The following MYO6 variants were observed in gnomAD, a reference collection of about 807,000 sequenced individuals.
MYO6 encodes the protein myosin VI, also known as unconventional myosin-VI.
A neutral mutation model predicts 178.7 loss-of-function variants in MYO6; 74 were observed. The ratio of observed to expected loss-of-function variants is 0.41; its 90% CI spans 0.34 to 0.50. MYO6 has a LOEUF of 0.50. Ranked by LOEUF, MYO6 falls within the 20% of genes least tolerant of loss-of-function variation. The pLI is 0.09. For missense variants in MYO6, 1,330 were observed against 1,547.4 expected (o/e 0.86, Z 2.36); for synonymous variants, 477 against 504.6 (o/e 0.95, Z 0.73).
chr6:75,813,491 A>G (rs1262646487), intron 1 of MYO6, among the ~76,000 whole-genome samples: 1 of 152,180 alleles, frequency 6.6e-6, no homozygotes, highest in African/African-American at 2.4e-5. Context: ...GCCGGGGATC[A>G]GGGACCCCAG....
chr6:75,858,942 C>T lies in MYO6; in HGVS notation c.1422C>T (p.Asn474=). The part of the protein sequence containing the change: ...EHNSFEQFCI[N]YCNEKLQQFF... The stretch of plus-strand genomic sequence containing the variant: ...ACAGTTTTGAACAATTTTGCATCAA[C>T]TATTGCAATGAAAAACTTCAACAAT... Residue 474 remains asparagine (N), a synonymous_variant, in exon 14 of 35, where the codon AAC becomes AAT. Transcript: ENST00000369977. 1.2e-6 allele frequency: 2 copies of T among 1,611,146 alleles called. No homozygotes were observed. The highest frequency in any genetic ancestry group is 1.7e-6 in the Non-Finnish European group (2 of 1,177,976).
chr6:75,754,519 CA>C (rs58162315), intron 1 of MYO6, among the ~76,000 whole-genome samples: 136 of 44,160 alleles, frequency 3.1e-3, no homozygotes, highest in African/African-American at 0.015. Context: ...GACTCCGTCT[CA>C]AAAAAAAAAA....
chr6:75,878,030 C>G (rs555465468), intron 20 of MYO6, among the ~76,000 whole-genome samples: 2 of 152,282 alleles, frequency 1.3e-5, no homozygotes, highest in East Asian at 3.9e-4. Context: ...TTTCTCCAAG[C>G]AAAGCCTAGA....
At chr6:75,757,005 GTGTGTATATATGTATACAC>G (rs1777457956) in intron 1 of MYO6, among the ~76,000 whole-genome samples, 1 of 40,666 alleles carries the variant, frequency 2.5e-5, no homozygotes, top group Non-Finnish European at 6.2e-5. Context: ...CACATATATA[GTGTGTATATATGTATACAC>G]ACATATATAG....
intron 14 of MYO6, 32 bp from the exon 15 acceptor site, chr6:75,860,991 T>C: frequency 7.0e-7 from 1 of 1,430,106 alleles, no homozygotes; most frequent in Non-Finnish European, 9.9e-7. Flanking sequence ...TCAGTATTGC[T>C]GTATCTATGA....
chr6:75,816,578 C>T (rs1583174029), intron 1 of MYO6, among the ~76,000 whole-genome samples: 1 of 152,160 alleles, frequency 6.6e-6, no homozygotes, highest in East Asian at 1.9e-4. Context: ...TAGATTTGTA[C>T]ATTTCACTGT....
intron 6 of MYO6, among the ~76,000 whole-genome samples, chr6:75,833,259 C>G (rs963294536): frequency 6.6e-6 from 1 of 152,228 alleles, no homozygotes; most frequent in African/African-American, 2.4e-5. Flanking sequence ...TCCCAAAATG[C>G]TGGGATTATA....
chr6:75,867,877 A>C (rs975721724), intron 18 of MYO6, among the ~76,000 whole-genome samples: 1 of 152,156 alleles, frequency 6.6e-6, no homozygotes, highest in African/African-American at 2.4e-5. Context: ...TGTAGAAAAA[A>C]AATGTTAAAA....
intron 9 of MYO6, among the ~76,000 whole-genome samples, chr6:75,843,271 TATCAAA>T (rs546510752): frequency 3.1e-3 from 468 of 152,366 alleles, no homozygotes; most frequent in Non-Finnish European, 4.9e-3. Context: ...GTCACTACTC[TATCAAA>T]ATTAGTATGT....
chr6:75,750,127 G>A (rs1261993748), intron 1 of MYO6, among the ~76,000 whole-genome samples: 6 of 136,750 alleles, frequency 4.4e-5, no homozygotes, highest in Non-Finnish European at 7.8e-5. Context: ...ACGGAGCCTT[G>A]GTCTGTCGCC....
rs1776628027 is a variant in MYO6 at position 75,749,252 on chromosome 6, G to T, written c.-219G>T. Reference sequence around the variant, plus strand: ...CGGCCGGCGGGCGGAGACCGACTCGGGATCTGTCCGAGCAGGAAGCCAGCC... The same window carrying T: ...CGGCCGGCGGGCGGAGACCGACTCGTGATCTGTCCGAGCAGGAAGCCAGCC... On this transcript the variant is annotated 5_prime_UTR_variant, in exon 1 of 35. Coordinates refer to ENST00000369977, the MANE Select transcript of MYO6 (RefSeq NM_004999.4). 1 of 151,388 alleles carries T rather than the reference G, an allele frequency of 6.6e-6. No individual in the cohort carries two copies. The highest frequency in any genetic ancestry group is 1.5e-5 in the Non-Finnish European group (1 of 67,518). 9.4% of individuals were successfully genotyped at this position (151,388 alleles called of 1,614,324 possible).
chr6:75,887,748 C>T lies in MYO6; in HGVS notation c.2658+754C>T, dbSNP rs573856353. ...CAGCACTTTGGGAGGCCGAGGCAGGCGGATCACAAGGTCAGGAGATTGAGA... is the reference window on the plus strand; with the variant it reads ...CAGCACTTTGGGAGGCCGAGGCAGGTGGATCACAAGGTCAGGAGATTGAGA... On this transcript the variant is annotated intron_variant, in intron 25 of 34. Coordinates refer to ENST00000369977, the MANE Select transcript of MYO6 (RefSeq NM_004999.4). Among the ~76,000 whole-genome samples, 13 of 150,022 alleles carry T rather than the reference C, an allele frequency of 8.7e-5. No individual in the cohort carries two copies. The South Asian group carries it at 2.1e-3, about 24-fold the overall frequency.
chr6:75,824,729 G>T (rs1311233407), intron 3 of MYO6, among the ~76,000 whole-genome samples: 1 of 151,566 alleles, frequency 6.6e-6, no homozygotes, highest in East Asian at 1.9e-4. Context: ...CCTTAACAGT[G>T]TAGCAACACT....
At chr6:75,806,844 A>G (rs543475063) in intron 1 of MYO6, among the ~76,000 whole-genome samples, 14 of 152,162 alleles carry the variant, frequency 9.2e-5, no homozygotes, top group Non-Finnish European at 1.6e-4. Flanking sequence ...ACGTGGGTAA[A>G]TGTCTGTTCG....
chr6:75,787,728 C>A (rs369927184), intron 1 of MYO6, among the ~76,000 whole-genome samples: 1,613 of 15,396 alleles, frequency 0.1, 33 homozygotes, highest in African/African-American at 0.12. Flanking sequence ...CTCTCTCTCT[C>A]TCTATATATA....
chr6:75,764,726 A>T (rs151307129), intron 1 of MYO6, among the ~76,000 whole-genome samples: 1 of 152,284 alleles, frequency 6.6e-6, no homozygotes, highest in African/African-American at 2.4e-5. Context: ...TTAGAAATTT[A>T]AAAATGATTT....
In MYO6 at chr6:75,886,104, A is replaced by G. The variant is rs376777515; in HGVS notation, c.2507+10A>G. ...GGAGACACAAACCTCGGTAAGATGA[A>G]TAGTTCCTAAAAAGAACTCTACAAA... On this transcript the variant is annotated intron_variant, in intron 24 of 34. Coordinates refer to ENST00000369977, the MANE Select transcript of MYO6 (RefSeq NM_004999.4). The G allele has an allele frequency of 1.3e-6, 2 of 1,575,188 alleles. No homozygotes were observed. The highest frequency in any genetic ancestry group is 2.2e-5 in the South Asian group (2 of 89,886).
rs750374337 is a variant in MYO6 at position 75,840,595 on chromosome 6, C to A, written c.564C>A (p.Leu188=). ...IDDRIVEANP[L]LEAFGNAKTV... ...TTTGTTTCTCAATAGCTAACCCACT[C>A]CTAGAAGCCTTTGGAAATGCGAAGA... is the stretch of plus-strand genomic sequence containing the variant. The change falls in exon 8 of 35, where the codon CTC becomes CTA. Residue 188 remains leucine, a synonymous_variant. Transcript: ENST00000369977. The A allele has an allele frequency of 6.2e-7, 1 of 1,613,522 alleles. No homozygotes were observed. The highest frequency in any genetic ancestry group is 1.1e-5 in the South Asian group (1 of 91,060).
At chr6:75,756,446 C>T (rs557068641) in intron 1 of MYO6, among the ~76,000 whole-genome samples, 10 of 152,262 alleles carry the variant, frequency 6.6e-5, no homozygotes, top group African/African-American at 2.2e-4. Flanking sequence ...GATTCCCCTG[C>T]CTCAGCCTCC....
Sources: gnomAD v4.1 joint callset for allele counts (sites outside exome capture counted in the v4.1 genomes callset) on GRCh38, gnomAD v4.1.1 for gene constraint, MANE v1.5 for transcripts, NCBI Gene and HGNC (gene_info 2026-07-23, HGNC 2026-07-21) for gene names.